DAB1: variants seen among roughly 807,000 people sequenced by gnomAD.
DAB1 encodes DAB adaptor protein 1.
In DAB1, 15 loss-of-function variants were observed where a neutral mutation model predicts 64.6. That is an observed-to-expected ratio of 0.23 (90% confidence interval 0.16 to 0.36). The LOEUF is 0.36. Among genes scored for constraint, DAB1 ranks in the 10% least tolerant of loss-of-function variants. The pLI, the probability that DAB1 is intolerant of heterozygous loss-of-function variation, is 1.00. For synonymous variants in DAB1, 235 were observed against 251.9 expected, an observed-to-expected ratio of 0.93 and a Z score of 0.64; for missense variants, 596 against 706.7, an observed-to-expected ratio of 0.84 and a Z score of 1.78.
intron 1 of DAB1, among the ~76,000 whole-genome samples, chr1:57,328,464 A>G (rs768140945): frequency 1.3e-5 from 2 of 152,188 alleles, no homozygotes; most frequent in African/African-American, 2.4e-5. Context: ...GCTAACAGGT[A>G]CTTGATCCTC....
At chr1:58,300,647 AGGAAGGAAGGAAGG>A (rs1557726336) in intron 4 of DAB1, among the ~76,000 whole-genome samples, 3 of 41,834 alleles carry the variant, frequency 7.2e-5, no homozygotes, top group Non-Finnish European at 1.6e-4. Context: ...AGAGAGAGAG[AGGAAGGAAGGAAGG>A]AAGGAAGGAA....
At chr1:58,083,085 T>A (rs532603950) in intron 5 of DAB1, among the ~76,000 whole-genome samples, 1 of 152,292 alleles carries the variant, frequency 6.6e-6, no homozygotes, top group South Asian at 2.1e-4. Flanking sequence ...CAGCTCTGAG[T>A]GAAGGCGCAA....
At chr1:57,542,409 G>C (rs951938943) in intron 7 of DAB1, among the ~76,000 whole-genome samples, 2 of 151,008 alleles carry the variant, frequency 1.3e-5, no homozygotes, top group South Asian at 4.2e-4. Context: ...GACTTAGAAG[G>C]GTTGGAGGGG....
intron 5 of DAB1, among the ~76,000 whole-genome samples, chr1:58,002,781 C>T (rs1194162700): frequency 6.6e-6 from 1 of 152,072 alleles, no homozygotes; most frequent in African/African-American, 2.4e-5. Context: ...AATAAACAAG[C>T]AAATAAATAC....
intron 7 of DAB1, among the ~76,000 whole-genome samples, chr1:57,463,836 C>T (rs1686868304): frequency 6.6e-6 from 1 of 152,100 alleles, no homozygotes; most frequent in African/African-American, 2.4e-5. Flanking sequence ...TATGTGAGTG[C>T]ACACAGACAT....
At chr1:57,961,229 G>T (rs533940488) in intron 5 of DAB1, among the ~76,000 whole-genome samples, 8 of 152,212 alleles carry the variant, frequency 5.3e-5, no homozygotes, top group African/African-American at 1.9e-4. Flanking sequence ...ATATACGCAT[G>T]TGTATACATT....
At chr1:58,063,762 G>A (rs578030438) in intron 5 of DAB1, among the ~76,000 whole-genome samples, 5 of 152,222 alleles carry the variant, frequency 3.3e-5, no homozygotes, top group East Asian at 3.9e-4. Context: ...CTAGATCATC[G>A]CTATATTTCA....
At chr1:57,671,806 T>C (rs762183926) in intron 6 of DAB1, among the ~76,000 whole-genome samples, 3 of 152,082 alleles carry the variant, frequency 2.0e-5, no homozygotes, top group Non-Finnish European at 1.5e-5. Context: ...ATACTCTAAG[T>C]CAGTATCAGT....
intron 7 of DAB1, among the ~76,000 whole-genome samples, chr1:57,490,249 A>G (rs193182436): frequency 5.5e-4 from 83 of 152,250 alleles, no homozygotes; most frequent in African/African-American, 1.9e-3. Context: ...TAACATCTTT[A>G]TTTATTAATT....
intron 3 of DAB1, among the ~76,000 whole-genome samples, chr1:58,364,553 C>G (rs959083085): frequency 6.6e-6 from 1 of 152,182 alleles, no homozygotes; most frequent in African/African-American, 2.4e-5. Flanking sequence ...GGCTACTCAG[C>G]CTCCACACCT....
At chr1:58,092,654 A>G (rs1168269278) in intron 5 of DAB1, among the ~76,000 whole-genome samples, 1 of 152,208 alleles carries the variant, frequency 6.6e-6, no homozygotes, top group Non-Finnish European at 1.5e-5. Flanking sequence ...GGCCGTAACT[A>G]AAATAAACAA....
At chr1:57,352,970 A>G (rs1005966105) in intron 1 of DAB1, among the ~76,000 whole-genome samples, 17 of 152,054 alleles carry the variant, frequency 1.1e-4, no homozygotes, top group Admixed American at 1.3e-4. Context: ...ATTCATCCGC[A>G]CTGTTGGCTC....
chr1:57,021,165 T>A (rs760093371), intron 11 of DAB1, among the ~76,000 whole-genome samples: 3 of 152,246 alleles, frequency 2.0e-5, no homozygotes, highest in Admixed American at 6.5e-5. Context: ...TAGACTCGTG[T>A]TCTAAAAGTT....
intron 6 of DAB1, among the ~76,000 whole-genome samples, chr1:57,666,121 A>G (rs929229031): frequency 6.6e-6 from 1 of 152,154 alleles, no homozygotes; most frequent in African/African-American, 2.4e-5. Flanking sequence ...AAGTTAGAGG[A>G]AGTTTCCAAT....
chr1:58,138,983 C>T (rs1375951847), intron 5 of DAB1, among the ~76,000 whole-genome samples: 1 of 152,110 alleles, frequency 6.6e-6, no homozygotes, highest in African/African-American at 2.4e-5. Context: ...TGTGCTTGGG[C>T]TGGTCCTTCT....
At chr1:57,234,656 C>G (rs1019072057) in intron 2 of DAB1, among the ~76,000 whole-genome samples, 5 of 152,112 alleles carry the variant, frequency 3.3e-5, no homozygotes, top group African/African-American at 1.2e-4. Flanking sequence ...GTCAAAAGTC[C>G]AGGCAGGCTC....
intron 4 of DAB1, 23 bp from the exon 5 acceptor site, chr1:57,072,437 A>G: frequency 5.6e-6 from 9 of 1,609,312 alleles, no homozygotes; most frequent in Non-Finnish European, 7.6e-6. Flanking sequence ...AAAAAGGAAG[A>G]ACATATTTCA....
upstream of DAB1, among the ~76,000 whole-genome samples, chr1:57,425,574 G>A (rs1685253263): frequency 6.6e-6 from 1 of 152,134 alleles, no homozygotes; most frequent in Non-Finnish European, 1.5e-5. Context: ...AACAGCTTCC[G>A]TACAAATGGA....
At chr1:57,747,464 A>G (rs1242622290) in intron 6 of DAB1, among the ~76,000 whole-genome samples, 1 of 152,180 alleles carries the variant, frequency 6.6e-6, no homozygotes, top group Non-Finnish European at 1.5e-5. Context: ...AAAGAAGTGT[A>G]TCAGCACAGT....
Sources: gnomAD v4.1 joint callset for allele counts (sites outside exome capture counted in the v4.1 genomes callset) on GRCh38, gnomAD v4.1.1 for gene constraint, MANE v1.5 for transcripts, NCBI Gene and HGNC (gene_info 2026-07-23, HGNC 2026-07-21) for gene names.